The following UBQLN2 variants were observed in gnomAD, a reference collection of about 807,000 sequenced individuals.
UBQLN2 encodes ubiquilin-2.
UBQLN2 carries 2 observed loss-of-function variants against 22.2 expected under a neutral mutation model. The observed-to-expected ratio is 0.09, with a 90% CI of 0.04 to 0.28. The LOEUF (loss-of-function observed/expected upper bound fraction) is 0.28, where lower values mean the gene tolerates loss of function less well. Among genes scored for constraint, UBQLN2 ranks in the 10% least tolerant of loss-of-function variants. The probability of loss-of-function intolerance (pLI) is 1.00; values close to 1 mark genes in which losing one functional copy is unlikely to be tolerated. For synonymous variants in UBQLN2, 252 were observed against 206.7 expected (o/e 1.22, Z -1.88); for missense variants, 446 against 505.1 (o/e 0.88, Z 1.12).
In UBQLN2 at chrX:56,567,095, A is replaced by G. The variant is rs2068646318; in HGVS notation, c.*1347A>G. 8.2e-6 allele frequency: 1 copy of G among 122,600 alleles called. No homozygotes were observed. Among genetic ancestry groups the G allele is most frequent in the African/African-American group, 3.3e-5 (1 of 30,547 alleles). The allele number at this position is 122,600 out of a possible 1,213,427, so 10.1% of individuals were successfully genotyped here. A position where few individuals can be genotyped will look rare whatever the true frequency, so the allele number is the denominator to read the frequency against. On this transcript the variant is annotated 3_prime_UTR_variant, in exon 1 of 1. Transcript: ENST00000338222. ...GTCCTGTCTGGAATTATCTTGATGT[A>G]TGGATTTAGGTATTCTAACTTTTTT...
At position 56,564,518 on chromosome X, in the gene UBQLN2, T is replaced by G. The variant is rs1235898765; in HGVS notation, c.645T>G (p.Ile215Met). The G allele has an allele frequency of 8.3e-7, 1 of 1,209,901 alleles. No individual in the cohort carries two copies. Among genetic ancestry groups the G allele is most frequent in the Admixed American group, 2.2e-5 (1 of 45,808 alleles). The stretch of plus-strand genomic sequence containing the variant: ...CTAATCCACAGATGCAGCAATTGAT[T>G]CAGAGAAACCCAGAAATCAGTCACC... The part of the protein sequence containing the change: ...IMANPQMQQL[I>M]QRNPEISHLL... Residue 215 changes from isoleucine (I) to methionine (M), a missense_variant, in exon 1 of 1, where the codon ATT becomes ATG. Ile to Met is a conservative substitution (Grantham distance 10). Coordinates refer to ENST00000338222, the MANE Select transcript of UBQLN2 (RefSeq NM_013444.4).
Position 56,565,440 on chromosome X carries a change from G to C in UBQLN2, c.1567G>C (p.Ala523Pro), listed in dbSNP as rs1407130343. Residue 523 changes from alanine to proline, a missense_variant, in exon 1 of 1, where the codon GCC becomes CCC. By Grantham distance (27) the Ala-to-Pro change is conservative. Around this residue, in one of 3 missense-constraint regions of UBQLN2, gnomAD observed 278 missense variants for 279.4 expected, o/e 1.00. Coordinates refer to ENST00000338222, the MANE Select transcript of UBQLN2 (RefSeq NM_013444.4). ...IGPIGPTGPA[A>P]PPGSTGSGGP... ...GCCCATAGGACCCACTGGCCCTGCAGCCCCCCCTGGCTCCACCGGCTCTGG... is the reference window on the plus strand; with the variant it reads ...GCCCATAGGACCCACTGGCCCTGCACCCCCCCCTGGCTCCACCGGCTCTGG... The C allele has an allele frequency of 8.4e-7, 1 of 1,192,298 alleles. No homozygotes were observed.
At position 56,565,374 on chromosome X, in the gene UBQLN2, A is replaced by G. The variant is rs2068636156; in HGVS notation, c.1501A>G (p.Ile501Val). Residue 501 changes from isoleucine (I) to valine (V), a missense_variant, in exon 1 of 1, where the codon ATA (isoleucine) becomes GTA (valine). Physicochemically the swap from Ile to Val is conservative, Grantham distance 29 (BLOSUM62 3). This residue lies in a region of UBQLN2 where 278 missense variants were observed against 279.4 expected (regional missense o/e 1.00). Transcript: ENST00000338222. Reference protein sequence around the residue: ...PVGPVTPIGPIGPIVPFTPIG... With the variant: ...PVGPVTPIGPVGPIVPFTPIG... ...AGGCCCAGTCACCCCCATAGGCCCC[A>G]TAGGCCCTATAGTCCCTTTTACCCC... is the stretch of plus-strand genomic sequence containing the variant. 1 of 1,200,681 alleles carries G rather than the reference A, an allele frequency of 8.3e-7. No individual in the cohort carries two copies. The highest frequency in any genetic ancestry group is 1.8e-5 in the African/African-American group (1 of 57,034).
In UBQLN2 at chrX:56,564,539, T is replaced by C; in HGVS notation, c.666T>C (p.Ser222=). The C allele has an allele frequency of 1.7e-6, 2 of 1,211,568 alleles. No homozygotes were observed. The highest frequency in any genetic ancestry group is 2.2e-6 in the Non-Finnish European group (2 of 895,437). The change falls in exon 1 of 1, where the codon AGT becomes AGC. Residue 222 remains serine (S), a synonymous_variant. Coordinates refer to ENST00000338222, the MANE Select transcript of UBQLN2 (RefSeq NM_013444.4). Reference sequence around the variant, plus strand: ...TGATTCAGAGAAACCCAGAAATCAGTCACCTGCTCAACAACCCAGACATAA... The same window carrying C: ...TGATTCAGAGAAACCCAGAAATCAGCCACCTGCTCAACAACCCAGACATAA... ...QQLIQRNPEI[S]HLLNNPDIMR...
At position 56,565,225 on chromosome X, in the gene UBQLN2, C is replaced by A; in HGVS notation, c.1352C>A (p.Ala451Glu). ...CTATCAGCCATGTCAAACCCAAGAG[C>A]AATGCAGGCTTTAATGCAGATCCAG... ...DTLSAMSNPRAMQALMQIQQG... is the reference protein window; with the variant it reads ...DTLSAMSNPREMQALMQIQQG... Residue 451 changes from alanine to glutamate, a missense_variant, in exon 1 of 1, where the codon GCA becomes GAA. Transcript: ENST00000338222. The A allele has an allele frequency of 8.3e-7, 1 of 1,211,995 alleles. No homozygotes were observed. The highest frequency in any genetic ancestry group is 1.1e-6 in the Non-Finnish European group (1 of 895,486).
Position 56,566,689 on chromosome X carries a change from G to C in UBQLN2, c.*941G>C, listed in dbSNP as rs2068644407. On this transcript the variant is annotated 3_prime_UTR_variant, in exon 1 of 1. Transcript: ENST00000338222. ...ACCTTAATCTTTGTGCAGCCTGAAG[G>C]ATCAGTGTAGTAATGCCAGGAAAGT... is the stretch of plus-strand genomic sequence containing the variant. The C allele has an allele frequency of 8.1e-6, 1 of 123,093 alleles. No homozygotes were observed. The highest frequency in any genetic ancestry group is 3.3e-5 in the African/African-American group (1 of 30,766). 10.1% of individuals were successfully genotyped at this position (123,093 alleles called of 1,213,427 possible).
chrX:56,563,900 C>G lies in UBQLN2; in HGVS notation c.27C>G (p.Gly9=), dbSNP rs754777429. Residue 9 remains glycine, a synonymous_variant, in exon 1 of 1, where the codon GGC becomes GGG. Transcript: ENST00000338222. ...TGGCTGAGAATGGCGAGAGCAGCGG[C>G]CCCCCGCGCCCCTCCCGCGGCCCTG... MAENGESS[G]PPRPSRGPAA... 3 of 1,148,303 alleles carry G rather than the reference C, an allele frequency of 2.6e-6. No individual in the cohort carries two copies. The highest frequency in any genetic ancestry group is 3.5e-6 in the Non-Finnish European group (3 of 863,372). The allele number at this position is 1,148,303 out of a possible 1,213,427, so 94.6% of individuals were successfully genotyped here.
rs1257378629 is a variant in UBQLN2, at chrX:56,565,416, C to A, written c.1543C>A (p.Pro515Thr). 8.4e-7 allele frequency: 1 copy of A among 1,191,047 alleles called. No individual in the cohort carries two copies. Among genetic ancestry groups the A allele is most frequent in the Non-Finnish European group, 1.1e-6 (1 of 884,588 alleles). Residue 515 changes from proline (P) to threonine (T), a missense_variant, in exon 1 of 1, where the codon CCC (proline) becomes ACC (threonine). Coordinates refer to ENST00000338222, the MANE Select transcript of UBQLN2 (RefSeq NM_013444.4). ...VPFTPIGPIG[P>T]IGPTGPAAPP... The stretch of plus-strand genomic sequence containing the variant: ...TTTTACCCCCATAGGCCCCATTGGG[C>A]CCATAGGACCCACTGGCCCTGCAGC...
Position 56,563,927 on chromosome X carries a change from T to C in UBQLN2, c.54T>C (p.Ala18=). ...SGPPRPSRGP[A]AAQGSAAAPA... is the part of the protein sequence containing the mutation. ...CCCCGCGCCCCTCCCGCGGCCCTGC[T>C]GCGGCCCAAGGCTCGGCTGCTGCCC... The change falls in exon 1 of 1, where the codon GCT becomes GCC. Residue 18 remains alanine (A), a synonymous_variant. Coordinates refer to ENST00000338222, the MANE Select transcript of UBQLN2 (RefSeq NM_013444.4). The C allele has an allele frequency of 1.7e-6, 2 of 1,158,574 alleles. No individual in the cohort carries two copies. Among genetic ancestry groups the C allele is most frequent in the Non-Finnish European group, 2.3e-6 (2 of 866,899 alleles).
rs771415915 is a variant in UBQLN2, at chrX:56,565,616, A to G, written c.1743A>G (p.Arg581=). ...CACAGCTGCCGAATCCAGAAGTCAG[A>G]TTTCAGCAACAACTGGAACAGCTCA... The part of the protein sequence containing the change: ...NAPQLPNPEV[R]FQQQLEQLNA... Residue 581 remains arginine (R), a synonymous_variant, in exon 1 of 1, where the codon AGA becomes AGG. Coordinates refer to ENST00000338222, the MANE Select transcript of UBQLN2 (RefSeq NM_013444.4). 8.2e-7 allele frequency: 1 copy of G among 1,212,217 alleles called. No homozygotes were observed. The highest frequency in any genetic ancestry group is 1.7e-5 in the African/African-American group (1 of 57,890).
Position 56,565,074 on chromosome X carries a change from C to G in UBQLN2, c.1201C>G (p.Gln401Glu). The G allele has an allele frequency of 1.7e-6, 2 of 1,211,894 alleles. No individual in the cohort carries two copies. The highest frequency in any genetic ancestry group is 2.2e-6 in the Non-Finnish European group (2 of 895,478). The change falls in exon 1 of 1, where the codon CAG becomes GAG. Residue 401 changes from glutamine (Q) to glutamate (E), a missense_variant. Physicochemically the swap from Gln to Glu is conservative, Grantham distance 29. Transcript: ENST00000338222. ...YMRSMMQSLS[Q>E]NPDLAAQMML... ...GAGAAGCATGATGCAGTCGCTGAGC[C>G]AGAATCCAGATTTGGCTGCACAGAT...
chrX:56,564,863 A>G lies in UBQLN2; in HGVS notation c.990A>G (p.Ala330=), dbSNP rs2068633023. The change falls in exon 1 of 1, where the codon GCA becomes GCG. Residue 330 remains alanine (A), a synonymous_variant. Transcript: ENST00000338222. ...CACCGCCAGCTACCCAGAGTTCTGC[A>G]ACTACCAGCACGACCACAAGCACTG... ...WAPPPATQSS[A]TTSTTTSTGS... is the part of the protein sequence containing the mutation. 1 of 1,209,211 alleles carries G rather than the reference A, an allele frequency of 8.3e-7. No individual in the cohort carries two copies. The highest frequency in any genetic ancestry group is 1.1e-6 in the Non-Finnish European group (1 of 894,988).
Position 56,565,444 on chromosome X carries a change from C to T in UBQLN2, c.1571C>T (p.Pro524Leu). The T allele has an allele frequency of 8.4e-7, 1 of 1,195,831 alleles. No individual in the cohort carries two copies. The highest frequency in any genetic ancestry group is 1.1e-6 in the Non-Finnish European group (1 of 887,030). The change falls in exon 1 of 1, where the codon CCC becomes CTC. Residue 524 changes from proline (P) to leucine (L), a missense_variant. Around this residue, in one of 3 missense-constraint regions of UBQLN2, gnomAD observed 278 missense variants for 279.4 expected, o/e 1.00. Transcript: ENST00000338222. Reference sequence around the variant, plus strand: ...ATAGGACCCACTGGCCCTGCAGCCCCCCCTGGCTCCACCGGCTCTGGTGGC... The same window carrying T: ...ATAGGACCCACTGGCCCTGCAGCCCTCCCTGGCTCCACCGGCTCTGGTGGC... ...GPIGPTGPAA[P>L]PGSTGSGGPT...
In UBQLN2 at chrX:56,564,542, C is replaced by T. The variant is rs2068631403; in HGVS notation, c.669C>T (p.His223=). Residue 223 remains histidine (H), a synonymous_variant, in exon 1 of 1, where the codon CAC becomes CAT. Transcript: ENST00000338222. ...TTCAGAGAAACCCAGAAATCAGTCA[C>T]CTGCTCAACAACCCAGACATAATGA... ...QLIQRNPEIS[H]LLNNPDIMRQ... 2 of 1,211,794 alleles carry T rather than the reference C, an allele frequency of 1.7e-6. No homozygotes were observed. Among genetic ancestry groups the T allele is most frequent in the Non-Finnish European group, 2.2e-6 (2 of 895,524 alleles).
rs2068649455 is a variant in UBQLN2 at position 56,567,777 on chromosome X, A to AT, written c.*2030dup. Reference sequence around the variant, plus strand: ...ATCCTATCAATTATGTTATAATTATATGTTTTCCTTTTCAAAATTTATAAC... The same window carrying AT: ...ATCCTATCAATTATGTTATAATTATATTGTTTTCCTTTTCAAAATTTATAAC... On this transcript the variant is annotated 3_prime_UTR_variant, in exon 1 of 1. Coordinates refer to ENST00000338222, the MANE Select transcript of UBQLN2 (RefSeq NM_013444.4). The AT allele has an allele frequency of 8.1e-6, 1 of 123,081 alleles. No homozygotes were observed. Among genetic ancestry groups the AT allele is most frequent in the Non-Finnish European group, 1.9e-5 (1 of 53,174 alleles). 10.1% of individuals were successfully genotyped at this position (123,081 alleles called of 1,213,427 possible).
chrX:56,566,929 A>T lies in UBQLN2; in HGVS notation c.*1181A>T, dbSNP rs1445345280. ...TGCATTAAAAATGACTAAAAAAAAT[A>T]AAAAATTAAAAAATGGATAAATCTT... On this transcript the variant is annotated 3_prime_UTR_variant, in exon 1 of 1. Transcript: ENST00000338222. 8.1e-6 allele frequency: 1 copy of T among 123,360 alleles called. No individual in the cohort carries two copies. The highest frequency in any genetic ancestry group is 9.4e-5 in the Admixed American group (1 of 10,610). 10.2% of individuals were successfully genotyped at this position (123,360 alleles called of 1,213,427 possible).
In UBQLN2 at chrX:56,563,756, C is replaced by G. The variant is rs1227360191; in HGVS notation, c.-118C>G. The G allele has an allele frequency of 1.1e-5, 6 of 546,302 alleles. No individual in the cohort carries two copies. The highest frequency in any genetic ancestry group is 1.8e-5 in the Non-Finnish European group (6 of 341,475). The allele number at this position is 546,302 out of a possible 1,213,427, so 45.0% of individuals were successfully genotyped here. A position where few individuals can be genotyped will look rare whatever the true frequency, so the allele number is the denominator to read the frequency against. ...CATCACAGAGGTACCGTGCTCCGCG[C>G]TCCCCGCCTGACCCGGCCCAGCCCG... On this transcript the variant is annotated 5_prime_UTR_variant, in exon 1 of 1. Transcript: ENST00000338222.
At position 56,564,468 on chromosome X, in the gene UBQLN2, G is replaced by A. The variant is rs1263139812; in HGVS notation, c.595G>A (p.Asp199Asn). 1 of 1,209,665 alleles carries A rather than the reference G, an allele frequency of 8.3e-7. No homozygotes were observed. Among genetic ancestry groups the A allele is most frequent in the Non-Finnish European group, 1.1e-6 (1 of 895,188 alleles). Residue 199 changes from aspartate (D) to asparagine (N), a missense_variant, in exon 1 of 1, where the codon GAT (aspartate) becomes AAT (asparagine). Around this residue, in one of 3 missense-constraint regions of UBQLN2, gnomAD observed 129 missense variants for 198.1 expected, o/e 0.65. Coordinates refer to ENST00000338222, the MANE Select transcript of UBQLN2 (RefSeq NM_013444.4). ...PFVQSMLSNP[D>N]LMRQLIMANP... ...TGTTCAGAGCATGCTTTCGAATCCC[G>A]ATCTGATGAGGCAGCTCATTATGGC...
Position 56,565,388 on chromosome X carries a change from C to T in UBQLN2, c.1515C>T (p.Val505=), listed in dbSNP as rs1602589748. The T allele has an allele frequency of 8.3e-7, 1 of 1,198,966 alleles. No individual in the cohort carries two copies. ...CCATAGGCCCCATAGGCCCTATAGT[C>T]CCTTTTACCCCCATAGGCCCCATTG... is the stretch of plus-strand genomic sequence containing the variant. The part of the protein sequence containing the change: ...VTPIGPIGPI[V]PFTPIGPIGP... Residue 505 remains valine (V), a synonymous_variant, in exon 1 of 1, where the codon GTC becomes GTT. Coordinates refer to ENST00000338222, the MANE Select transcript of UBQLN2 (RefSeq NM_013444.4).
Sources: gnomAD v4.1 joint callset for allele counts on GRCh38, gnomAD v4.1.1 for gene constraint, gnomAD v4.1.1 regional missense constraint, MANE v1.5 for transcripts, NCBI Gene and HGNC (gene_info 2026-07-23, HGNC 2026-07-21) for gene names.